Variants in MED12L observed in about 807,000 individuals in gnomAD.
MED12L encodes the protein mediator complex subunit 12L.
A neutral mutation model predicts 281.3 loss-of-function variants in MED12L; 60 were observed. The ratio of observed to expected loss-of-function variants is 0.21; its 90% CI spans 0.17 to 0.26. MED12L has a LOEUF of 0.26. MED12L is among the 10% of genes least tolerant of loss of function. MED12L has a pLI of 1.00. For missense variants in MED12L, 2,146 were observed against 2,680.9 expected (o/e 0.80, Z 4.41); for synonymous variants, 974 against 987.2 (o/e 0.99, Z 0.25).
At chr3:151,272,435 A>G (rs1231594027) in intron 16 of MED12L, among the ~76,000 whole-genome samples, 1 of 152,192 alleles carries the variant, frequency 6.6e-6, no homozygotes, top group Non-Finnish European at 1.5e-5. Flanking sequence ...TACAAGACTC[A>G]TCTTAATTCT....
intron 16 of MED12L, among the ~76,000 whole-genome samples, chr3:151,259,346 T>C (rs1738440638): frequency 6.6e-6 from 1 of 152,208 alleles, no homozygotes; most frequent in Non-Finnish European, 1.5e-5. Flanking sequence ...TGATCTGAGG[T>C]ACAGAACCCC....
intron 24 of MED12L, 50 bp downstream of exon 24, chr3:151,367,816 G>T: frequency 6.4e-7 from 1 of 1,565,678 alleles, no homozygotes; most frequent in Non-Finnish European, 8.7e-7. Context: ...TTGTCTTGAT[G>T]GAGTGGTTTC....
intron 3 of MED12L, among the ~76,000 whole-genome samples, chr3:151,122,370 G>C (rs1443849094): frequency 1.3e-5 from 2 of 152,152 alleles, no homozygotes; most frequent in African/African-American, 4.8e-5. Flanking sequence ...GATGAAACAA[G>C]AAAAAGAATG....
intron 11 of MED12L, among the ~76,000 whole-genome samples, chr3:151,181,742 T>A (rs1434760051): frequency 6.6e-6 from 1 of 151,958 alleles, no homozygotes; most frequent in South Asian, 2.1e-4. Flanking sequence ...TGCGCCACCA[T>A]ACCTGGCTAA....
chr3:151,105,589 C>G (rs950226720), intron 2 of MED12L, among the ~76,000 whole-genome samples: 2 of 152,294 alleles, frequency 1.3e-5, no homozygotes, highest in Admixed American at 1.3e-4. Flanking sequence ...CACACTGTCT[C>G]AGTCTTTTTT....
intron 5 of MED12L, among the ~76,000 whole-genome samples, chr3:151,129,443 T>C (rs1715034400): frequency 6.6e-6 from 1 of 152,160 alleles, no homozygotes. Context: ...CTCTTAGTGT[T>C]GTTTTCACGG....
intron 2 of MED12L, among the ~76,000 whole-genome samples, chr3:151,111,699 T>G (rs1268779667): frequency 6.6e-6 from 1 of 152,190 alleles, no homozygotes; most frequent in Admixed American, 6.5e-5. Flanking sequence ...AGATTTTGAC[T>G]GACACTTCAG....
At chr3:151,315,637 C>A (rs540811694) in intron 16 of MED12L, among the ~76,000 whole-genome samples, 12 of 152,266 alleles carry the variant, frequency 7.9e-5, no homozygotes, top group Admixed American at 6.5e-4. Context: ...TCCCTAACTT[C>A]ATGGAGACAG....
At chr3:151,137,506 T>C (rs1716323913) in intron 5 of MED12L, among the ~76,000 whole-genome samples, 1 of 152,172 alleles carries the variant, frequency 6.6e-6, no homozygotes, top group Non-Finnish European at 1.5e-5. Context: ...GTGCTAAAGG[T>C]GCTCATTGCT....
chr3:151,244,900 G>A (rs1192366771), intron 16 of MED12L, among the ~76,000 whole-genome samples: 1 of 151,956 alleles, frequency 6.6e-6, no homozygotes, highest in South Asian at 2.1e-4. Context: ...AAAGAGAGAA[G>A]AATCTAATAG....
intron 31 of MED12L, among the ~76,000 whole-genome samples, chr3:151,378,515 A>G (rs1711630913): frequency 6.6e-6 from 1 of 151,720 alleles, no homozygotes. Flanking sequence ...TATTATTTAG[A>G]TATTTATGTT....
At chr3:151,347,055 G>A (rs990711544) in intron 16 of MED12L, among the ~76,000 whole-genome samples, 1 of 151,866 alleles carries the variant, frequency 6.6e-6, no homozygotes. Context: ...TTACTCCTTG[G>A]GTTCAAAAGC....
At chr3:151,215,313 T>C (rs1269962792) in intron 16 of MED12L, among the ~76,000 whole-genome samples, 1 of 152,194 alleles carries the variant, frequency 6.6e-6, no homozygotes, top group Non-Finnish European at 1.5e-5. Flanking sequence ...CAGATTGAGA[T>C]GTTCTGTTAA....
At chr3:151,095,049 C>T (rs143966649) in intron 2 of MED12L, among the ~76,000 whole-genome samples, 130 of 152,252 alleles carry the variant, frequency 8.5e-4, no homozygotes, top group African/African-American at 2.8e-3. Context: ...AGTGCGATAT[C>T]GGGCAGTTTG....
At chr3:151,185,822 A>G (rs1459330054) in intron 12 of MED12L, among the ~76,000 whole-genome samples, 3 of 152,166 alleles carry the variant, frequency 2.0e-5, no homozygotes, top group Non-Finnish European at 2.9e-5. Context: ...AGCCTGGTTG[A>G]TAGAGTGAGA....
intron 16 of MED12L, chr3:151,294,437 A>G (rs1408935489): frequency 2.5e-6 from 4 of 1,614,236 alleles, no homozygotes; most frequent in Non-Finnish European, 3.4e-6. Context: ...AATTCTGCAC[A>G]AGTGATATGG....
intron 10 of MED12L, 81 bp from the exon 11 acceptor site, chr3:151,165,765 A>T (rs762244266): frequency 7.0e-7 from 1 of 1,434,068 alleles, no homozygotes; most frequent in Non-Finnish European, 9.6e-7. Flanking sequence ...CTTTTGCCTC[A>T]CATAGAATGG....
intron 40 of MED12L, among the ~76,000 whole-genome samples, 183 bp from the exon 41 acceptor site, chr3:151,411,095 C>G (rs1423559077): frequency 6.6e-6 from 1 of 152,144 alleles, no homozygotes; most frequent in Non-Finnish European, 1.5e-5. Flanking sequence ...CATTCTGTGG[C>G]TTTTCTGACC....
intron 16 of MED12L, among the ~76,000 whole-genome samples, chr3:151,218,321 T>C (rs761424399): frequency 6.6e-6 from 1 of 152,058 alleles, no homozygotes; most frequent in Non-Finnish European, 1.5e-5. Flanking sequence ...AGAAAAAAAT[T>C]AAAAGATGAA....
Sources: allele counts gnomAD v4.1 joint callset (sites outside exome capture counted in the v4.1 genomes callset), GRCh38; gene constraint gnomAD v4.1.1; transcripts MANE v1.5; gene names NCBI Gene and HGNC (gene_info 2026-07-23, HGNC 2026-07-21).